Variants in L3MBTL1 observed in about 807,000 individuals in gnomAD.
L3MBTL1 encodes the protein L3MBTL histone methyl-lysine binding protein 1.
L3MBTL1 carries 75 observed loss-of-function variants against 105.3 expected under a neutral mutation model. The observed-to-expected ratio is 0.71, with a 90% CI of 0.59 to 0.86. The LOEUF (loss-of-function observed/expected upper bound fraction) is 0.86. L3MBTL1 is among the 40% of genes least tolerant of loss of function. The pLI is 0.00. For synonymous variants in L3MBTL1, 452 were observed against 436.2 expected, an observed-to-expected ratio of 1.04 and a Z score of -0.45; for missense variants, 1,069 against 1,126.4, an observed-to-expected ratio of 0.95 and a Z score of 0.73.
chr20:43,540,293 G>A lies in L3MBTL1; in HGVS notation c.2316G>A (p.Lys772=). Residue 772 remains lysine (K), a synonymous_variant, in exon 20 of 22, where the codon AAG becomes AAA. Coordinates refer to ENST00000418998, the MANE Select transcript of L3MBTL1 (RefSeq NM_001377303.1). ...VAGISASTVA[K]WTIDEVFGFV... ...GCATCTCAGCCTCGACAGTCGCCAAGTGGACCATCGATGAGGTGAGGAGCG... is the reference window on the plus strand; with the variant it reads ...GCATCTCAGCCTCGACAGTCGCCAAATGGACCATCGATGAGGTGAGGAGCG... The A allele has an allele frequency of 6.2e-7, 1 of 1,613,736 alleles. No homozygotes were observed. Among genetic ancestry groups the A allele is most frequent in the East Asian group, 2.2e-5 (1 of 44,872 alleles).
At chr20:43,512,243 A>G (rs901832276) in intron 1 of L3MBTL1, among the ~76,000 whole-genome samples, 3 of 152,222 alleles carry the variant, frequency 2.0e-5, no homozygotes, top group African/African-American at 7.2e-5. Flanking sequence ...GGCTGGGACT[A>G]GCATGGCAGC....
rs373811731 is a variant in L3MBTL1 at position 43,540,722 on chromosome 20, C to T, written c.2332-31C>T. 15 of 1,611,750 alleles carry T rather than the reference C, an allele frequency of 9.3e-6. No individual in the cohort carries two copies. The Admixed American group carries it at 1.2e-4, about 13-fold the overall frequency. ...CTCCCTACATGCCTAAGCTCTGTCC[C>T]CTGGTCAACATGTCATCTTTGGTTT... On this transcript the variant is annotated intron_variant, in intron 20 of 21. Transcript: ENST00000418998.
At position 43,516,026 on chromosome 20, in the gene L3MBTL1, A is replaced by T. The variant is rs1382110551; in HGVS notation, c.778-67A>T. On this transcript the variant is annotated intron_variant, in intron 6 of 21. Transcript: ENST00000418998. ...GCCAGAGAGCCAGGTAGGGGCCAGG[A>T]TCAGACCCTAGGGCTTCATCCCAAA... 3.2e-6 allele frequency: 4 copies of T among 1,256,760 alleles called. No homozygotes were observed. The East Asian group carries it at 9.3e-5, about 29-fold the overall frequency. 77.9% of individuals were successfully genotyped at this position (1,256,760 alleles called of 1,614,324 possible).
chr20:43,528,772 A>G, intron 8 of L3MBTL1, 27 bp downstream of exon 8: 2 of 1,565,284 alleles, frequency 1.3e-6, no homozygotes, highest in Non-Finnish European at 1.8e-6. Flanking sequence ...CCCCGTAGGA[A>G]CAGCTTGTCT....
intron 7 of L3MBTL1, among the ~76,000 whole-genome samples, chr20:43,522,081 G>A (rs944501658): frequency 6.6e-6 from 1 of 152,220 alleles, no homozygotes; most frequent in Non-Finnish European, 1.5e-5. Context: ...AAGAGGCCAG[G>A]TGCAGTGGCT....
At chr20:43,535,972 T>G in intron 17 of L3MBTL1, 36 bp downstream of exon 17, 1 of 1,596,162 alleles carries the variant, frequency 6.3e-7, no homozygotes, top group South Asian at 1.1e-5. Flanking sequence ...CCCTCAGCGT[T>G]GTTTTGCACT....
rs1600948374 is a variant in L3MBTL1, at chr20:43,534,684, A to G, written c.1711-144A>G. 7.9e-6 allele frequency: 5 copies of G among 636,890 alleles called. No individual in the cohort carries two copies. In the East Asian group the frequency reaches 1.4e-4, roughly 17 times the overall value. 39.5% of individuals were successfully genotyped at this position (636,890 alleles called of 1,614,324 possible). Reference sequence around the variant, plus strand: ...GATGCCCTTGGAAAATGTGGTGGCCAAGACAGATTATTGCAGGGTTGGCCC... The same window carrying G: ...GATGCCCTTGGAAAATGTGGTGGCCGAGACAGATTATTGCAGGGTTGGCCC... On this transcript the variant is annotated intron_variant, in intron 15 of 21. Coordinates refer to ENST00000418998, the MANE Select transcript of L3MBTL1 (RefSeq NM_001377303.1).
chr20:43,520,906 GA>G (rs1356864551), intron 7 of L3MBTL1, among the ~76,000 whole-genome samples: 1 of 152,174 alleles, frequency 6.6e-6, no homozygotes, highest in Non-Finnish European at 1.5e-5. Flanking sequence ...AAAATTCTGT[GA>G]CTTGTTTATG....
chr20:43,549,294 GCACT>G (rs1978830896), exon 19 of L3MBTL1: 1 of 152,330 alleles, frequency 6.6e-6, no homozygotes, highest in South Asian at 2.1e-4. Context: ...TGAGAATGTA[GCACT>G]CTGTGTAGCA....
At chr20:43,525,456 A>G (rs2018980630) in intron 7 of L3MBTL1, among the ~76,000 whole-genome samples, 1 of 152,302 alleles carries the variant, frequency 6.6e-6, no homozygotes, top group East Asian at 1.9e-4. Flanking sequence ...CTTTCTTCAC[A>G]GTAGACTCAG....
chr20:43,522,309 C>T (rs753358994), intron 7 of L3MBTL1, among the ~76,000 whole-genome samples: 12 of 151,908 alleles, frequency 7.9e-5, no homozygotes, highest in Non-Finnish European at 1.2e-4. Context: ...GAGCTGAGAT[C>T]GCTTCACTGC....
Position 43,514,688 on chromosome 20 carries a change from G to A in L3MBTL1, c.414G>A (p.Pro138=). ...ACATGGCGGGAGTGGAGCAGCCCCC[G>A]AGCCCCGAGCTGCGGCAGGAAGGCG... ...PLNMAGVEQP[P]SPELRQEGVT... The change falls in exon 4 of 22, where the codon CCG becomes CCA. Residue 138 remains proline, a synonymous_variant. Transcript: ENST00000418998. 3 of 1,587,596 alleles carry A rather than the reference G, an allele frequency of 1.9e-6. No individual in the cohort carries two copies. Among genetic ancestry groups the A allele is most frequent in the Non-Finnish European group, 1.7e-6 (2 of 1,167,286 alleles).
chr20:43,550,822 G>A (rs772866547), exon 19 of L3MBTL1: 2 of 152,230 alleles, frequency 1.3e-5, no homozygotes, highest in East Asian at 1.9e-4. Context: ...GCACATGTGT[G>A]TATGTGTTCT....
Position 43,519,685 on chromosome 20 carries a change from C to T in L3MBTL1, c.862+3508C>T, listed in dbSNP as rs191248457. 1.3e-3 allele frequency among the ~76,000 whole-genome samples: 194 copies of T among 152,242 alleles called. 3 individuals carry two copies. Among genetic ancestry groups the T allele is most frequent in the Admixed American group, 0.011 (171 of 15,280 alleles). On this transcript the variant is annotated intron_variant, in intron 7 of 21. Transcript: ENST00000418998. ...TTGCTGTATTGCCCAGGCTGGAGTA[C>T]AGTAGTGATTCACAATGCAGTCATA...
chr20:43,539,989 C>A, intron 19 of L3MBTL1, 162 bp from the exon 20 acceptor site: 1 of 742,054 alleles, frequency 1.3e-6, no homozygotes, highest in Non-Finnish European at 2.3e-6. Context: ...TGTGAGGAGT[C>A]AGGAGATACG....
In L3MBTL1 at chr20:43,540,751, A is replaced by C; in HGVS notation, c.2332-2A>C. 1 of 1,614,126 alleles carries C rather than the reference A, an allele frequency of 6.2e-7. No individual in the cohort carries two copies. The highest frequency in any genetic ancestry group is 8.5e-7 in the Non-Finnish European group (1 of 1,180,014). On this transcript the variant is annotated splice_acceptor_variant, in intron 20 of 21. Transcript: ENST00000418998. LOFTEE classifies it high-confidence loss of function. Reference sequence around the variant, plus strand: ...GTCAACATGTCATCTTTGGTTTCCAAGGTCTTCGGCTTTGTTCAGACCCTG... The same window carrying C: ...GTCAACATGTCATCTTTGGTTTCCACGGTCTTCGGCTTTGTTCAGACCCTG...
At position 43,534,885 on chromosome 20, in the gene L3MBTL1, G is replaced by A. The variant is rs1358142214; in HGVS notation, c.1768G>A (p.Asp590Asn). The A allele has an allele frequency of 6.2e-7, 1 of 1,610,056 alleles. No homozygotes were observed. The highest frequency in any genetic ancestry group is 8.5e-7 in the Non-Finnish European group (1 of 1,179,788). The change falls in exon 16 of 22, where the codon GAC becomes AAC. Residue 590 changes from aspartate (D) to asparagine (N), a missense_variant. Transcript: ENST00000418998. ...YDFWIDADHP[D>N]IHPAGWCSKT... ...TTTCTGGATCGACGCTGACCACCCA[G>A]ACATCCACCCTGCCGGCTGGTGCTC...
chr20:43,518,728 G>A (rs1210197523), intron 7 of L3MBTL1, among the ~76,000 whole-genome samples: 3 of 151,666 alleles, frequency 2.0e-5, no homozygotes, highest in Non-Finnish European at 4.4e-5. Context: ...ACACTTTAAG[G>A]CCGGGCACGG....
intron 7 of L3MBTL1, 143 bp from the exon 8 acceptor site, chr20:43,528,514 A>G: frequency 1.5e-6 from 1 of 648,600 alleles, no homozygotes; most frequent in Non-Finnish European, 2.8e-6. Context: ...TGGCACCATC[A>G]TGGTGGGTGG....
Sources: allele counts gnomAD v4.1 joint callset (sites outside exome capture counted in the v4.1 genomes callset), GRCh38; gene constraint gnomAD v4.1.1; transcripts MANE v1.5; gene names NCBI Gene and HGNC (gene_info 2026-07-23, HGNC 2026-07-21).